CYB5B: variants seen among roughly 807,000 people sequenced by gnomAD.
CYB5B encodes the protein cytochrome b5 type B.
In CYB5B, 14 loss-of-function variants were observed where a neutral mutation model predicts 21.3. That is an observed-to-expected ratio of 0.66 (90% CI 0.43 to 1.03). The LOEUF is 1.03. Ranked by LOEUF, CYB5B falls within the 50% of genes least tolerant of loss-of-function variation. The pLI, the probability that CYB5B is intolerant of heterozygous loss-of-function variation, is 0.00. For missense variants in CYB5B, 166 were observed against 185.1 expected, an observed-to-expected ratio of 0.90 and a Z score of 0.60; for synonymous variants, 69 against 68.4, an observed-to-expected ratio of 1.01 and a Z score of -0.04.
chr16:69,445,504 A>G (rs2014868844), intron 1 of CYB5B, among the ~76,000 whole-genome samples: 1 of 152,224 alleles, frequency 6.6e-6, no homozygotes, highest in Non-Finnish European at 1.5e-5. Flanking sequence ...ATAAAAAGTA[A>G]AAAGCATTAA....
intron 4 of CYB5B, among the ~76,000 whole-genome samples, chr16:69,461,422 T>C (rs1597288525): frequency 6.6e-6 from 1 of 152,204 alleles, no homozygotes; most frequent in East Asian, 1.9e-4. Context: ...TATTCTAAAC[T>C]AGTCCAGAGT....
At chr16:69,442,208 T>A (rs1369164184) in intron 1 of CYB5B, among the ~76,000 whole-genome samples, 1 of 152,216 alleles carries the variant, frequency 6.6e-6, no homozygotes, top group East Asian at 1.9e-4. Context: ...TAATTAATAA[T>A]GCTTTTTCTT....
Position 69,428,739 on chromosome 16 carries a change from C to T in CYB5B, c.174+3882C>T, listed in dbSNP as rs141993370. Among the ~76,000 whole-genome samples the T allele has an allele frequency of 1.6e-4, 25 of 152,034 alleles. No homozygotes were observed. The East Asian group carries it at 3.5e-3, about 21-fold the overall frequency. ...TGAGGAGGAGGGTTTGAAATTTTAG[C>T]GATGGTGCCGAGATAACTTTATGAA... On this transcript the variant is annotated intron_variant, in intron 1 of 4. Transcript: ENST00000307892.
intron 1 of CYB5B, among the ~76,000 whole-genome samples, chr16:69,428,408 C>G (rs562269549): frequency 6.6e-6 from 1 of 152,014 alleles, no homozygotes; most frequent in African/African-American, 2.4e-5. Flanking sequence ...GCCTGTAATC[C>G]CAGCACTTTG....
Position 69,465,505 on chromosome 16 carries a change from A to G in CYB5B, c.*2985A>G, listed in dbSNP as rs758239202. 5.3e-5 allele frequency: 8 copies of G among 152,262 alleles called. No individual in the cohort carries two copies. Among genetic ancestry groups the G allele is most frequent in the Non-Finnish European group, 1.2e-4 (8 of 68,048 alleles). 9.4% of individuals were successfully genotyped at this position (152,262 alleles called of 1,614,324 possible). A position where few individuals can be genotyped will look rare whatever the true frequency, so the allele number is the denominator to read the frequency against. On this transcript the variant is annotated 3_prime_UTR_variant, in exon 5 of 5. Transcript: ENST00000307892. ...CTTCAAGACTGCTTAAGCAAAAACA[A>G]AAATCCCTTGGAACCTATCGTTTGA...
chr16:69,439,236 T>A (rs764135338), intron 1 of CYB5B, among the ~76,000 whole-genome samples: 2 of 152,190 alleles, frequency 1.3e-5, no homozygotes, highest in Admixed American at 6.5e-5. Context: ...CTCCACTGAA[T>A]AGACTTGGCA....
intron 1 of CYB5B, among the ~76,000 whole-genome samples, chr16:69,429,852 G>C (rs973239226): frequency 2.0e-5 from 3 of 152,236 alleles, no homozygotes; most frequent in Middle Eastern, 3.4e-3. Context: ...TGTCACTTTG[G>C]GGCCCCTCCT....
intron 1 of CYB5B, among the ~76,000 whole-genome samples, chr16:69,445,119 G>C (rs1363007917): frequency 6.6e-6 from 1 of 152,214 alleles, no homozygotes; most frequent in Non-Finnish European, 1.5e-5. Flanking sequence ...TAGTTGGGTT[G>C]TGTCAAAAGG....
At chr16:69,426,820 T>G (rs1042970996) in intron 1 of CYB5B, among the ~76,000 whole-genome samples, 2 of 151,998 alleles carry the variant, frequency 1.3e-5, no homozygotes, top group Admixed American at 1.3e-4. Context: ...TAGTAGCAGA[T>G]TTGACAGATC....
chr16:69,439,720 C>T (rs1006832882), intron 1 of CYB5B, among the ~76,000 whole-genome samples: 5 of 151,808 alleles, frequency 3.3e-5, no homozygotes, highest in African/African-American at 1.2e-4. Context: ...GAGCGGGCCA[C>T]CACACCCAGC....
intron 1 of CYB5B, among the ~76,000 whole-genome samples, chr16:69,435,190 A>G (rs530265359): frequency 1.3e-5 from 2 of 152,316 alleles, no homozygotes; most frequent in African/African-American, 2.4e-5. Flanking sequence ...TAAAATGGAG[A>G]TAATAGCACA....
At chr16:69,435,974 A>T (rs950424566) in intron 1 of CYB5B, among the ~76,000 whole-genome samples, 12 of 152,330 alleles carry the variant, frequency 7.9e-5, no homozygotes, top group Admixed American at 6.5e-4. Flanking sequence ...GCTCTCTGCC[A>T]AGAGTGGTTC....
intron 1 of CYB5B, among the ~76,000 whole-genome samples, chr16:69,425,539 A>AT (rs913969410): frequency 1.3e-3 from 201 of 150,612 alleles, no homozygotes; most frequent in African/African-American, 4.7e-3. Context: ...GGTGCAACTA[A>AT]TTTTTTTTTT....
chr16:69,425,748 G>C (rs1355663598), intron 1 of CYB5B, among the ~76,000 whole-genome samples: 1 of 152,116 alleles, frequency 6.6e-6, no homozygotes. Context: ...CAGGCAACTA[G>C]TGATATGCAG....
At chr16:69,457,020 C>T (rs1270539733) in intron 3 of CYB5B, among the ~76,000 whole-genome samples, 2 of 152,142 alleles carry the variant, frequency 1.3e-5, no homozygotes, top group African/African-American at 4.8e-5. Flanking sequence ...TCTTCTCTTT[C>T]CTTTAATGGG....
chr16:69,458,188 C>G (rs554755386), intron 3 of CYB5B, among the ~76,000 whole-genome samples: 7 of 152,130 alleles, frequency 4.6e-5, no homozygotes, highest in Non-Finnish European at 1.0e-4. Flanking sequence ...TTAAAATGTA[C>G]AAATCAATGG....
At chr16:69,454,101 T>G (rs1421323430) in intron 3 of CYB5B, among the ~76,000 whole-genome samples, 2 of 152,180 alleles carry the variant, frequency 1.3e-5, no homozygotes, top group Non-Finnish European at 2.9e-5. Flanking sequence ...TTATAACAAA[T>G]TTTTCACTTC....
chr16:69,452,061 T>C (rs2142823651), intron 3 of CYB5B, among the ~76,000 whole-genome samples: 2 of 151,816 alleles, frequency 1.3e-5, no homozygotes, highest in East Asian at 3.9e-4. Flanking sequence ...AAAGATTCCA[T>C]GCATTCATAA....
chr16:69,436,869 A>G (rs1012356718), intron 1 of CYB5B, among the ~76,000 whole-genome samples: 1 of 152,158 alleles, frequency 6.6e-6, no homozygotes, highest in Non-Finnish European at 1.5e-5. Context: ...ATTCTCCTCT[A>G]TTCTGCCCAT....
Sources: allele counts gnomAD v4.1 joint callset (sites outside exome capture counted in the v4.1 genomes callset), GRCh38; gene constraint gnomAD v4.1.1; transcripts MANE v1.5; gene names NCBI Gene and HGNC (gene_info 2026-07-23, HGNC 2026-07-21).